The following SGCD variants were observed in gnomAD, a reference collection of about 807,000 sequenced individuals.
SGCD encodes the protein delta-sarcoglycan.
In SGCD, 18 loss-of-function variants were observed where a neutral mutation model predicts 36.6. The observed-to-expected ratio is 0.49, with a 90% CI of 0.34 to 0.73. SGCD has a LOEUF of 0.73. SGCD is among the 30% of genes least tolerant of loss of function. SGCD has a pLI of 0.01. For missense variants in SGCD, 387 were observed against 346.7 expected, an observed-to-expected ratio of 1.12 and a Z score of -0.92; for synonymous variants, 133 against 130.6, an observed-to-expected ratio of 1.02 and a Z score of -0.12.
the SGCD span, among the ~76,000 whole-genome samples, chr5:155,824,930 AAT>A: frequency 6.6e-6 from 1 of 152,182 alleles, no homozygotes; most frequent in African/African-American, 2.4e-5. Context: ...TAAATTAAAA[AAT>A]ATATATATCA....
chr5:156,131,735 A>G (rs770335123), intron 3 of SGCD, among the ~76,000 whole-genome samples: 1 of 152,254 alleles, frequency 6.6e-6, no homozygotes, highest in African/African-American at 2.4e-5. Flanking sequence ...AATTGTGTTG[A>G]GGAAAAATTG....
At chr5:155,832,200 A>G in the SGCD span, among the ~76,000 whole-genome samples, 1 of 152,176 alleles carries the variant, frequency 6.6e-6, no homozygotes, top group Non-Finnish European at 1.5e-5. Flanking sequence ...AGGGTGCAAA[A>G]TGAGATCCAT....
At chr5:156,744,903 A>G (rs1265092556) in intron 7 of SGCD, among the ~76,000 whole-genome samples, 2 of 152,200 alleles carry the variant, frequency 1.3e-5, no homozygotes, top group African/African-American at 2.4e-5. Context: ...TGCAACACAG[A>G]TGGTAGTTTT....
At chr5:156,015,149 T>G (rs891285212) in intron 1 of SGCD, among the ~76,000 whole-genome samples, 1 of 152,204 alleles carries the variant, frequency 6.6e-6, no homozygotes, top group African/African-American at 2.4e-5. Flanking sequence ...ATGGTGTTTT[T>G]CTAACTCCTC....
chr5:156,752,211 G>GTAT lies in SGCD; in HGVS notation c.576-5368_576-5366dup, dbSNP rs1433230964. ...TGCGTGTGAAGTATGCAATAGTAGT[G>GTAT]TATTGTTTAAGGATGCAAATTTAGT... On this transcript the variant is annotated intron_variant, in intron 7 of 8. Transcript: ENST00000337851. Among the ~76,000 whole-genome samples the GTAT allele has an allele frequency of 5.9e-5, 9 of 152,268 alleles. No individual in the cohort carries two copies. In the South Asian group the frequency reaches 1.9e-3, roughly 32 times the overall value.
At chr5:156,024,957 CAAA>C (rs34607261) in intron 1 of SGCD, among the ~76,000 whole-genome samples, 12 of 124,478 alleles carry the variant, frequency 9.6e-5, no homozygotes, top group Non-Finnish European at 1.4e-4. Flanking sequence ...GACTCCATCT[CAAA>C]AAAAAAAAAA....
rs530307086 is a variant in SGCD at position 155,933,459 on chromosome 5, G to T, written c.-282+63035G>T. Among the ~76,000 whole-genome samples, 3 of 152,306 alleles carry T rather than the reference G, an allele frequency of 2.0e-5. No individual in the cohort carries two copies. The South Asian group carries it at 6.2e-4, about 32-fold the overall frequency. On this transcript the variant is annotated intron_variant, in intron 1 of 9. Transcript: ENST00000517913. Reference sequence around the variant, plus strand: ...GGAGATAACTCCACAAGCATACATAGAGTATCTTGTCTTTCTTCACCATTT... The same window carrying T: ...GGAGATAACTCCACAAGCATACATATAGTATCTTGTCTTTCTTCACCATTT...
At chr5:156,099,244 G>A (rs935631932) in intron 1 of SGCD, among the ~76,000 whole-genome samples, 15 of 152,284 alleles carry the variant, frequency 9.9e-5, no homozygotes, top group African/African-American at 3.6e-4. Context: ...TAATGGTTGT[G>A]CTTGGCATGG....
chr5:156,597,982 C>A (rs1761001992), intron 6 of SGCD, among the ~76,000 whole-genome samples: 1 of 152,026 alleles, frequency 6.6e-6, no homozygotes, highest in Admixed American at 6.6e-5. Flanking sequence ...TACCTTAAAG[C>A]CCTATACTTG....
the SGCD span, among the ~76,000 whole-genome samples, chr5:155,764,831 G>T: frequency 2.6e-5 from 4 of 152,238 alleles, no homozygotes; most frequent in Non-Finnish European, 5.9e-5. Context: ...GATAAGATCT[G>T]GGGGGAGGCA....
intron 3 of SGCD, among the ~76,000 whole-genome samples, chr5:156,321,351 T>C (rs1290779455): frequency 6.6e-6 from 1 of 151,950 alleles, no homozygotes; most frequent in Non-Finnish European, 1.5e-5. Flanking sequence ...ACCCGAGAAG[T>C]GGAGCTTGCA....
At chr5:155,836,562 G>C in the SGCD span, among the ~76,000 whole-genome samples, 1 of 150,672 alleles carries the variant, frequency 6.6e-6, no homozygotes, top group African/African-American at 2.4e-5. Context: ...TTGCTGTCAG[G>C]GTTCAGAGGG....
chr5:156,200,092 C>G (rs1157078373), intron 3 of SGCD, among the ~76,000 whole-genome samples: 2 of 152,138 alleles, frequency 1.3e-5, no homozygotes, highest in Non-Finnish European at 2.9e-5. Context: ...GCTCATACTA[C>G]ACAAAGTGAT....
At chr5:156,386,187 T>A (rs1771267764) in intron 3 of SGCD, among the ~76,000 whole-genome samples, 2 of 152,196 alleles carry the variant, frequency 1.3e-5, no homozygotes, top group African/African-American at 4.8e-5. Flanking sequence ...AATCAGATTG[T>A]GTGGTCAGCA....
At chr5:156,355,719 G>T (rs1330257627) in intron 3 of SGCD, among the ~76,000 whole-genome samples, 1 of 152,194 alleles carries the variant, frequency 6.6e-6, no homozygotes, top group Non-Finnish European at 1.5e-5. Context: ...TCACTCCAAA[G>T]TCCGCCTCCC....
chr5:156,395,114 A>G (rs1303982048), intron 3 of SGCD, among the ~76,000 whole-genome samples: 2 of 152,226 alleles, frequency 1.3e-5, no homozygotes, highest in Admixed American at 6.5e-5. Context: ...TGGGAGAAGC[A>G]AGGGCTATTT....
intron 3 of SGCD, among the ~76,000 whole-genome samples, chr5:156,378,835 T>G (rs965194972): frequency 9.9e-5 from 15 of 152,202 alleles, no homozygotes; most frequent in African/African-American, 2.4e-5. Flanking sequence ...ACAAAATGTA[T>G]AGAGTTCTGT....
At chr5:156,312,865 A>G (rs1318644423) in intron 3 of SGCD, among the ~76,000 whole-genome samples, 2 of 152,158 alleles carry the variant, frequency 1.3e-5, no homozygotes. Context: ...AACCAGCCCC[A>G]TAAGAAAATT....
intron 1 of SGCD, among the ~76,000 whole-genome samples, chr5:155,961,699 A>T (rs1469518127): frequency 2.6e-5 from 4 of 152,122 alleles, no homozygotes; most frequent in Non-Finnish European, 5.9e-5. Flanking sequence ...TAAGGTATTT[A>T]TGAAACCAAA....
Sources: gnomAD v4.1 joint callset for allele counts (sites outside exome capture counted in the v4.1 genomes callset) on GRCh38, gnomAD v4.1.1 for gene constraint, MANE v1.5 for transcripts, NCBI Gene and HGNC (gene_info 2026-07-23, HGNC 2026-07-21) for gene names.